Variants in CHL1 observed in about 807,000 individuals in gnomAD.
CHL1 encodes the protein neural cell adhesion molecule L1-like protein.
Under a neutral mutation model 141.9 loss-of-function variants are expected in CHL1, and 96 were observed. The observed-to-expected ratio is 0.68, with a 90% CI of 0.57 to 0.80. The LOEUF is 0.80. Ranked by LOEUF, CHL1 falls within the 30% of genes least tolerant of loss-of-function variation. The pLI is 0.00. For synonymous variants in CHL1, 613 were observed against 502.2 expected (o/e 1.22, Z -2.95); for missense variants, 1,820 against 1,457.2 (o/e 1.25, Z -4.05).
chr3:312,024 A>G (rs1377207781), intron 2 of CHL1, among the ~76,000 whole-genome samples: 6 of 152,226 alleles, frequency 3.9e-5, no homozygotes, highest in Non-Finnish European at 8.8e-5. Flanking sequence ...TCTTACATGT[A>G]TAGGTGGGAA....
chr3:263,872 T>C (rs1289045311), intron 2 of CHL1, among the ~76,000 whole-genome samples: 1 of 152,236 alleles, frequency 6.6e-6, no homozygotes, highest in South Asian at 2.1e-4. Context: ...CTATGCCTTT[T>C]GAATATATTC....
chr3:211,914 G>A (rs1699935048), intron 1 of CHL1, among the ~76,000 whole-genome samples: 1 of 152,192 alleles, frequency 6.6e-6, no homozygotes, highest in Non-Finnish European at 1.5e-5. Context: ...GCGAAGTTCA[G>A]TGGAACCAAT....
chr3:280,892 CCACACA>C (rs141343654), intron 2 of CHL1, among the ~76,000 whole-genome samples: 1 of 149,586 alleles, frequency 6.7e-6, no homozygotes, highest in African/African-American at 2.5e-5. Context: ...CACACATGCA[CCACACA>C]CACACACACA....
chr3:287,891 G>A (rs548271486), intron 2 of CHL1, among the ~76,000 whole-genome samples: 10 of 151,924 alleles, frequency 6.6e-5, no homozygotes, highest in South Asian at 2.1e-4. Flanking sequence ...TCAGCCTCCC[G>A]AGTAGCTGGG....
intron 5 of CHL1, among the ~76,000 whole-genome samples, chr3:337,255 A>G (rs1701953759): frequency 6.9e-6 from 1 of 145,032 alleles, no homozygotes; most frequent in African/African-American, 2.6e-5. Flanking sequence ...CAGTGGCACA[A>G]TCTCTGCTCA....
chr3:323,213 C>G (rs1427229908), intron 3 of CHL1, among the ~76,000 whole-genome samples: 1 of 151,972 alleles, frequency 6.6e-6, no homozygotes, highest in South Asian at 2.1e-4. Flanking sequence ...AGATAAACAA[C>G]TGACCATATA....
At chr3:290,658 C>G (rs1697602637) in intron 2 of CHL1, among the ~76,000 whole-genome samples, 1 of 152,154 alleles carries the variant, frequency 6.6e-6, no homozygotes, top group Non-Finnish European at 1.5e-5. Flanking sequence ...AGTAGGCATT[C>G]AGTTAATGCT....
chr3:321,850 G>A (rs1439943946), intron 3 of CHL1, among the ~76,000 whole-genome samples: 4 of 152,048 alleles, frequency 2.6e-5, no homozygotes, highest in Non-Finnish European at 4.4e-5. Flanking sequence ...ATGTCAAGGA[G>A]TCTGGTGTCT....
intron 15 of CHL1, among the ~76,000 whole-genome samples, chr3:376,751 C>T (rs991201828): frequency 2.0e-5 from 3 of 152,160 alleles, no homozygotes; most frequent in Non-Finnish European, 4.4e-5. Context: ...ATCAAATGGA[C>T]ACCTGAGTAA....
intron 2 of CHL1, among the ~76,000 whole-genome samples, chr3:265,390 AATG>A (rs1695065761): frequency 6.6e-6 from 1 of 152,236 alleles, no homozygotes; most frequent in Non-Finnish European, 1.5e-5. Flanking sequence ...AATATCACTC[AATG>A]AATATTTGCT....
intron 1 of CHL1, among the ~76,000 whole-genome samples, chr3:220,022 C>T (rs923106321): frequency 6.6e-6 from 1 of 152,010 alleles, no homozygotes; most frequent in African/African-American, 2.4e-5. Flanking sequence ...ATATATGCAA[C>T]AAAATAAATG....
chr3:302,660 T>C (rs1698860843), intron 2 of CHL1, among the ~76,000 whole-genome samples: 2 of 152,214 alleles, frequency 1.3e-5, no homozygotes, highest in African/African-American at 4.8e-5. Flanking sequence ...GTCAGATGGA[T>C]AAATTGCAAA....
chr3:216,681 G>A (rs943367971), intron 1 of CHL1, among the ~76,000 whole-genome samples: 1 of 152,170 alleles, frequency 6.6e-6, no homozygotes, highest in Non-Finnish European at 1.5e-5. Context: ...TTCTTCTGTA[G>A]GCATATGATG....
chr3:348,279 A>G (rs543934060), intron 9 of CHL1, among the ~76,000 whole-genome samples: 1 of 152,204 alleles, frequency 6.6e-6, no homozygotes, highest in Non-Finnish European at 1.5e-5. Flanking sequence ...CTTACTGTTA[A>G]ATGATCACAA....
At chr3:221,974 T>C (rs1464658807) in intron 1 of CHL1, among the ~76,000 whole-genome samples, 1 of 152,248 alleles carries the variant, frequency 6.6e-6, no homozygotes, top group African/African-American at 2.4e-5. Context: ...CTTATGAATA[T>C]AATATCACTT....
At chr3:397,077 C>A (rs7652303) in intron 24 of CHL1, among the ~76,000 whole-genome samples, 142,448 of 152,194 alleles carry the variant, frequency 0.94, 67,284 homozygotes, top group East Asian at 1. Context: ...AAATCATATT[C>A]CATAATCTAA....
chr3:299,887 A>G (rs866105909), intron 2 of CHL1, among the ~76,000 whole-genome samples: 4 of 152,220 alleles, frequency 2.6e-5, no homozygotes, highest in Non-Finnish European at 5.9e-5. Context: ...ATATCAAAAC[A>G]AGGTCACTGC....
At chr3:228,648 C>T (rs905852741) in intron 1 of CHL1, among the ~76,000 whole-genome samples, 5 of 152,094 alleles carry the variant, frequency 3.3e-5, no homozygotes, top group East Asian at 1.9e-4. Context: ...AGTGTGTTAT[C>T]GCAGCAATTT....
chr3:248,009 A>G (rs1487933513), intron 2 of CHL1: 2 of 151,984 alleles, frequency 1.3e-5, no homozygotes, highest in African/African-American at 2.4e-5. Flanking sequence ...TTACCTTTTA[A>G]ATATTTATGG....
Sources: gnomAD v4.1 joint callset for allele counts (sites outside exome capture counted in the v4.1 genomes callset) on GRCh38, gnomAD v4.1.1 for gene constraint, MANE v1.5 for transcripts, NCBI Gene and HGNC (gene_info 2026-07-23, HGNC 2026-07-21) for gene names.